CMSS1: variants seen among roughly 807,000 people sequenced by gnomAD.
CMSS1 encodes protein CMSS1.
In CMSS1, 33 loss-of-function variants were observed where a neutral mutation model predicts 43.5. The ratio of observed to expected loss-of-function variants is 0.76; its 90% CI spans 0.57 to 1.01. CMSS1 has a LOEUF of 1.01. CMSS1 is among the 50% of genes least tolerant of loss of function. The pLI is 0.00. For missense variants in CMSS1, 313 were observed against 326.4 expected (o/e 0.96, Z 0.32); for synonymous variants, 115 against 117.2 (o/e 0.98, Z 0.12).
rs551836772 is a variant in CMSS1 at position 100,140,211 on chromosome 3, A to T, written c.65-6762A>T. The stretch of plus-strand genomic sequence containing the variant: ...GAGATTTGAACCCCAGATTATTTTA[A>T]TCCCACAATCCATAATCTTCCTCAC... On this transcript the variant is annotated intron_variant, in intron 1 of 9. Coordinates refer to ENST00000421999, the MANE Select transcript of CMSS1 (RefSeq NM_032359.4). Among the ~76,000 whole-genome samples, 8 of 151,920 alleles carry T rather than the reference A, an allele frequency of 5.3e-5. No homozygotes were observed. The South Asian group carries it at 1.4e-3, about 28-fold the overall frequency.
chr3:100,143,532 T>G (rs955712188), intron 1 of CMSS1, among the ~76,000 whole-genome samples: 5 of 152,074 alleles, frequency 3.3e-5, no homozygotes, highest in Non-Finnish European at 7.4e-5. Context: ...CGTTGTTGAT[T>G]GGATTCTTCT....
chr3:100,167,461 A>G (rs1339081276), intron 5 of CMSS1, among the ~76,000 whole-genome samples: 1 of 152,244 alleles, frequency 6.6e-6, no homozygotes, highest in African/African-American at 2.4e-5. Context: ...CTAAATTAAA[A>G]TATCAAAAAT....
At position 100,011,674 on chromosome 3, in the gene CMSS1, G is replaced by A. The variant is rs1168841902; in HGVS notation, c.65-135299G>A. ...TTGATGTTCTGCCAAAAAAGTTCAT[G>A]TATTAAACCAAAGTTCCTTCTTGAA... On this transcript the variant is annotated intron_variant, in intron 1 of 9. Coordinates refer to ENST00000421999, the MANE Select transcript of CMSS1 (RefSeq NM_032359.4). 2.0e-5 allele frequency: 3 copies of A among 152,286 alleles called. No individual in the cohort carries two copies. In the East Asian group the frequency reaches 5.8e-4, roughly 29 times the overall value. The allele number at this position is 152,286 out of a possible 1,614,324, so 9.4% of individuals were successfully genotyped here. A position where few individuals can be genotyped will look rare whatever the true frequency, so the allele number is the denominator to read the frequency against.
At chr3:99,983,476 A>ATATGTGTATGTGTG (rs1709224540) in intron 1 of CMSS1, among the ~76,000 whole-genome samples, 43 of 16,610 alleles carry the variant, frequency 2.6e-3, no homozygotes, top group Non-Finnish European at 4.6e-3. Flanking sequence ...ATATATATAT[A>ATATGTGTATGTGTG]TATATATATA....
At chr3:99,826,602 A>T (rs1007791792) in intron 1 of CMSS1, among the ~76,000 whole-genome samples, 2 of 152,198 alleles carry the variant, frequency 1.3e-5, no homozygotes, top group African/African-American at 4.8e-5. Context: ...CGCTGCCCCA[A>T]ACTCAAAGTC....
intron 1 of CMSS1, among the ~76,000 whole-genome samples, chr3:99,978,496 A>G (rs1317134064): frequency 6.6e-6 from 1 of 152,268 alleles, no homozygotes; most frequent in Non-Finnish European, 1.5e-5. Context: ...CACATGGATG[A>G]GCCTGGAGGG....
chr3:100,054,444 C>T (rs1452184091), intron 1 of CMSS1, among the ~76,000 whole-genome samples: 1 of 152,122 alleles, frequency 6.6e-6, no homozygotes, highest in South Asian at 2.1e-4. Context: ...CTTGCCTGCA[C>T]CATGAGCCAG....
At chr3:99,861,748 C>T (rs1397293987) in intron 1 of CMSS1, among the ~76,000 whole-genome samples, 1 of 152,132 alleles carries the variant, frequency 6.6e-6, no homozygotes, top group Non-Finnish European at 1.5e-5. Flanking sequence ...TACCGAAGCA[C>T]CAATAGGAAC....
chr3:100,081,014 A>G (rs1324824294), intron 1 of CMSS1, among the ~76,000 whole-genome samples: 3 of 152,212 alleles, frequency 2.0e-5, no homozygotes, highest in Admixed American at 2.0e-4. Flanking sequence ...TTCAAGAACT[A>G]TCTGTTGAGC....
intron 1 of CMSS1, among the ~76,000 whole-genome samples, chr3:100,007,693 G>A (rs1000153764): frequency 1.3e-5 from 2 of 152,218 alleles, no homozygotes; most frequent in African/African-American, 4.8e-5. Context: ...GTGTGTCACT[G>A]ATGGAAGCTA....
intron 1 of CMSS1, among the ~76,000 whole-genome samples, chr3:99,993,588 A>G (rs1476624269): frequency 2.0e-5 from 3 of 152,156 alleles, no homozygotes; most frequent in Non-Finnish European, 4.4e-5. Flanking sequence ...ACTTTTCCCC[A>G]TTAAGTATGA....
chr3:100,117,868 T>TACAC lies in CMSS1; in HGVS notation c.65-29104_65-29103insCACA, dbSNP rs1471378730. On this transcript the variant is annotated intron_variant, in intron 1 of 9. Coordinates refer to ENST00000421999, the MANE Select transcript of CMSS1 (RefSeq NM_032359.4). ...ATATATATATACATATATATATATA[T>TACAC]ATATATATATACACATACAATGGAG... is the stretch of plus-strand genomic sequence containing the variant. Among the ~76,000 whole-genome samples the TACAC allele has an allele frequency of 5.0e-5, 7 of 140,620 alleles. 1 individual carries two copies. Among genetic ancestry groups the TACAC allele is most frequent in the Non-Finnish European group, 7.6e-5 (5 of 65,712 alleles). 92.3% of individuals were successfully genotyped at this position (140,620 alleles called of 152,430 possible).
intron 1 of CMSS1, among the ~76,000 whole-genome samples, chr3:99,929,455 C>G (rs1263132903): frequency 6.6e-6 from 1 of 151,920 alleles, no homozygotes; most frequent in Non-Finnish European, 1.5e-5. Context: ...CAAAAATTAA[C>G]CTCTATGGTT....
intron 1 of CMSS1, among the ~76,000 whole-genome samples, chr3:99,943,738 G>T (rs1440872795): frequency 6.6e-6 from 1 of 152,122 alleles, no homozygotes; most frequent in Non-Finnish European, 1.5e-5. Flanking sequence ...GTGTCTTGGA[G>T]CTTCAGTCTA....
chr3:100,115,575 G>GTCTCTCTCTC (rs66793218), intron 1 of CMSS1, among the ~76,000 whole-genome samples: 6 of 98,026 alleles, frequency 6.1e-5, no homozygotes, highest in Non-Finnish European at 6.2e-5. Flanking sequence ...CTCTCTCTCT[G>GTCTCTCTCTC]TCTCTCTCTC....
intron 1 of CMSS1, among the ~76,000 whole-genome samples, chr3:99,938,964 GC>G (rs1707776548): frequency 6.6e-6 from 1 of 152,110 alleles, no homozygotes; most frequent in South Asian, 2.1e-4. Context: ...TTAGTAATTG[GC>G]CTCCGTTATC....
At chr3:100,178,262 G>A (rs947849182) in intron 9 of CMSS1, 43 bp from the exon 10 acceptor site, 1 of 1,237,482 alleles carries the variant, frequency 8.1e-7, no homozygotes, top group Non-Finnish European at 1.2e-6. Flanking sequence ...AGACCATTTT[G>A]GCTTGATCTT....
At chr3:99,893,165 T>C (rs1452060968) in intron 1 of CMSS1, among the ~76,000 whole-genome samples, 1 of 146,486 alleles carries the variant, frequency 6.8e-6, no homozygotes, top group African/African-American at 2.6e-5. Flanking sequence ...ATCTAGACTT[T>C]TTTTTTTTTT....
intron 1 of CMSS1, chr3:99,930,699 A>AGGAACAAATAGAATTTG: frequency 6.5e-7 from 1 of 1,540,554 alleles, no homozygotes; most frequent in South Asian, 1.2e-5. Flanking sequence ...TTTCTGTGGC[A>AGGAACAAATAGAATTTG]GCAGGAACAC....
Sources: allele counts gnomAD v4.1 joint callset (sites outside exome capture counted in the v4.1 genomes callset), GRCh38; gene constraint gnomAD v4.1.1; transcripts MANE v1.5; gene names NCBI Gene and HGNC (gene_info 2026-07-23, HGNC 2026-07-21).